The following INTS4 variants were observed in gnomAD, a reference collection of about 807,000 sequenced individuals.
INTS4 encodes MSTP093.
Under a neutral mutation model 119.5 loss-of-function variants are expected in INTS4, and 70 were observed. The ratio of observed to expected loss-of-function variants is 0.59; its 90% CI spans 0.48 to 0.71. The LOEUF (loss-of-function observed/expected upper bound fraction) is 0.71, where lower values mean the gene tolerates loss of function less well. Among genes scored for constraint, INTS4 ranks in the 30% least tolerant of loss-of-function variants. The probability of loss-of-function intolerance (pLI) is 0.00; values close to 1 mark genes in which losing one functional copy is unlikely to be tolerated. For synonymous variants in INTS4, 316 were observed against 419.6 expected (o/e 0.75, Z 3.02); for missense variants, 867 against 1,173.2 (o/e 0.74, Z 3.81).
At chr11:77,963,352 C>CAAAAAAAAAAAAAAAAA (rs777966254) in intron 4 of INTS4, 11 of 177,742 alleles carry the variant, frequency 6.2e-5, no homozygotes, top group South Asian at 7.8e-5. Context: ...GACTCCGTCT[C>CAAAAAAAAAAAAAAAAA]AAAAAAAAAA....
rs756438793 is a variant in INTS4, at chr11:77,903,558, G to T, written c.2079C>A (p.Ala693=). Residue 693 remains alanine (A), a synonymous_variant, in exon 17 of 23, where the codon GCC becomes GCA. Transcript: ENST00000534064. ...AGCTTACCTGTTTCGCTGCTGCTGA[G>T]GCCAAATCACTCTGCTTCAAATACA... ...APLYLKQSDL[A]SAAAKQIMEE... is the part of the protein sequence containing the mutation. The T allele has an allele frequency of 3.1e-6, 5 of 1,613,896 alleles. No individual in the cohort carries two copies. The South Asian group carries it at 5.5e-5, about 18-fold the overall frequency.
At chr11:77,989,726 C>CAA (rs143173961) in intron 2 of INTS4, among the ~76,000 whole-genome samples, 3 of 76,458 alleles carry the variant, frequency 3.9e-5, no homozygotes, top group East Asian at 3.3e-4. Context: ...CCTGTCTCTA[C>CAA]AAAAAAAAAA....
intron 1 of INTS4, among the ~76,000 whole-genome samples, chr11:77,991,678 G>A (rs1177047099): frequency 6.6e-6 from 1 of 151,892 alleles, no homozygotes; most frequent in Non-Finnish European, 1.5e-5. Context: ...ATGAGCCACG[G>A]TGCCCAGCCT....
At chr11:77,926,325 C>A (rs895513919) in intron 11 of INTS4, among the ~76,000 whole-genome samples, 4 of 152,076 alleles carry the variant, frequency 2.6e-5, no homozygotes, top group Non-Finnish European at 5.9e-5. Flanking sequence ...TTATATTGGT[C>A]TGAACTCCTG....
chr11:77,888,522 T>C (rs1238078643), intron 21 of INTS4, among the ~76,000 whole-genome samples: 1 of 152,138 alleles, frequency 6.6e-6, no homozygotes, highest in Non-Finnish European at 1.5e-5. Flanking sequence ...GGGCAAGGAC[T>C]TCATGTCTAA....
intron 8 of INTS4, among the ~76,000 whole-genome samples, chr11:77,943,744 T>G (rs1287643782): frequency 4.6e-5 from 7 of 152,206 alleles, no homozygotes; most frequent in Admixed American, 4.6e-4. Context: ...GAAAACCATT[T>G]CACTTGAGAG....
chr11:77,964,338 C>T (rs148431711), intron 4 of INTS4, among the ~76,000 whole-genome samples: 4 of 151,962 alleles, frequency 2.6e-5, no homozygotes, highest in African/African-American at 9.6e-5. Context: ...GAGGCCAAGG[C>T]GGGTGGATCA....
chr11:77,994,550 T>A (rs371910373), intron 1 of INTS4, 40 bp downstream of exon 1: 22 of 1,487,432 alleles, frequency 1.5e-5, no homozygotes, highest in Non-Finnish European at 1.9e-5. Flanking sequence ...TAATCTACCC[T>A]GGTCCGGATC....
intron 9 of INTS4, among the ~76,000 whole-genome samples, chr11:77,939,100 T>C (rs1048590831): frequency 1.4e-4 from 21 of 152,138 alleles, no homozygotes; most frequent in Non-Finnish European, 2.8e-4. Flanking sequence ...GGCAGCAACA[T>C]AGGAAAGAGA....
intron 8 of INTS4, among the ~76,000 whole-genome samples, chr11:77,947,831 T>C (rs1954083934): frequency 1.3e-5 from 2 of 152,168 alleles, no homozygotes; most frequent in African/African-American, 4.8e-5. Context: ...TAAAACATTC[T>C]ATTGTAACTG....
chr11:77,924,929 T>A, intron 11 of INTS4, 37 bp from the exon 12 acceptor site: 2 of 1,543,106 alleles, frequency 1.3e-6, no homozygotes, highest in Non-Finnish European at 1.8e-6. Context: ...GTAGTTACTG[T>A]TGGTTAGCAG....
chr11:77,993,497 G>C (rs548097722), intron 1 of INTS4, among the ~76,000 whole-genome samples: 22 of 152,312 alleles, frequency 1.4e-4, no homozygotes, highest in South Asian at 4.1e-4. Context: ...GAAGAGGGCT[G>C]AGCAGTCTTG....
At chr11:77,874,540 GA>G (rs1951546432), downstream of INTS4, among the ~76,000 whole-genome samples, 1 of 152,108 alleles carries the variant, frequency 6.6e-6, no homozygotes, top group Admixed American at 6.5e-5. Context: ...AAACTTTTAA[GA>G]AAACCTGCTA....
Position 77,973,879 on chromosome 11 carries a change from A to G in INTS4, c.471+5117T>C, listed in dbSNP as rs572181162. ...GTTAAAGATATTTGGATCCACATTC[A>G]TAAGTCACTGGTCTGCAGTTTTCGT... On this transcript the variant is annotated intron_variant, in intron 4 of 22. Coordinates refer to ENST00000534064, the MANE Select transcript of INTS4 (RefSeq NM_033547.4). 3.7e-4 allele frequency among the ~76,000 whole-genome samples: 57 copies of G among 152,320 alleles called. No homozygotes were observed. The East Asian group carries it at 0.011, about 29-fold the overall frequency.
chr11:77,918,919 A>T lies in INTS4; in HGVS notation c.1824T>A (p.Asp608Glu). 6.2e-7 allele frequency: 1 copy of T among 1,613,974 alleles called. No homozygotes were observed. Among genetic ancestry groups the T allele is most frequent in the Non-Finnish European group, 8.5e-7 (1 of 1,179,874 alleles). ...TCTGCTGCAGGAACTGCTGGGAAGG[A>T]TCCTCTTGAGGTATGATGCTGGGAG... Reference protein sequence around the residue: ...AVSPSIIPQEDPSQQFLQQSL... With the variant: ...AVSPSIIPQEEPSQQFLQQSL... Residue 608 changes from aspartate (D) to glutamate (E), a missense_variant, in exon 15 of 23, where the codon GAT (aspartate) becomes GAA (glutamate). Transcript: ENST00000534064.
At chr11:77,931,240 C>T (rs1953641343) in intron 10 of INTS4, among the ~76,000 whole-genome samples, 1 of 152,218 alleles carries the variant, frequency 6.6e-6, no homozygotes, top group African/African-American at 2.4e-5. Flanking sequence ...GCTGCATGCA[C>T]AAAGTCCCAA....
intron 17 of INTS4, among the ~76,000 whole-genome samples, chr11:77,902,625 TTA>T (rs1242068423): frequency 2.0e-5 from 3 of 152,208 alleles, no homozygotes; most frequent in Non-Finnish European, 2.9e-5. Flanking sequence ...AATGGGATTA[TTA>T]TGAGGGTTAA....
chr11:77,964,482 G>A (rs940335347), intron 4 of INTS4, among the ~76,000 whole-genome samples: 2 of 152,020 alleles, frequency 1.3e-5, no homozygotes, highest in Non-Finnish European at 2.9e-5. Flanking sequence ...GCTGAGGCAG[G>A]AGAACGGCGT....
chr11:77,987,799 G>T (rs1856514816), intron 2 of INTS4: 1 of 355,864 alleles, frequency 2.8e-6, no homozygotes, highest in Non-Finnish European at 5.6e-6. Flanking sequence ...GCTTGAGCCT[G>T]GGAGTCCAGA....
Sources: allele counts gnomAD v4.1 joint callset (sites outside exome capture counted in the v4.1 genomes callset), GRCh38; gene constraint gnomAD v4.1.1; transcripts MANE v1.5; gene names NCBI Gene and HGNC (gene_info 2026-07-23, HGNC 2026-07-21).